The following CELSR3 variants were observed in gnomAD, a reference collection of about 807,000 sequenced individuals.
CELSR3 encodes the protein cadherin EGF LAG seven-pass G-type receptor 3.
In CELSR3, 73 loss-of-function variants were observed where a neutral mutation model predicts 270.0. That is an observed-to-expected ratio of 0.27 (90% CI 0.22 to 0.33). CELSR3 has a LOEUF of 0.33. Among genes scored for constraint, CELSR3 ranks in the 10% least tolerant of loss-of-function variants. The pLI is 1.00. For synonymous variants in CELSR3, 1,780 were observed against 1,905.4 expected, an observed-to-expected ratio of 0.93 and a Z score of 1.71; for missense variants, 3,614 against 4,533.8, an observed-to-expected ratio of 0.80 and a Z score of 5.83.
At position 48,644,190 on chromosome 3, in the gene CELSR3, C is replaced by T. The variant is rs2047056445; in HGVS notation, c.8165+26G>A. On this transcript the variant is annotated intron_variant, in intron 27 of 34. Transcript: ENST00000164024. The surrounding 1 kb of genome is among the most constrained non-coding windows in gnomAD (Gnocchi z 4.8). ...GGAGGGACCTGCCATCCTGAGAAGCCCCCTTCCTCCAGCCAGCCAACTCAC... is the reference window on the plus strand; with the variant it reads ...GGAGGGACCTGCCATCCTGAGAAGCTCCCTTCCTCCAGCCAGCCAACTCAC... 4 of 1,594,208 alleles carry T rather than the reference C, an allele frequency of 2.5e-6. No homozygotes were observed. The highest frequency in any genetic ancestry group is 3.4e-6 in the Non-Finnish European group (4 of 1,164,386).
chr3:48,639,109 G>A lies in CELSR3; in HGVS notation c.9911+565C>T, dbSNP rs764753138. On this transcript the variant is annotated intron_variant, in intron 34 of 34. Transcript: ENST00000164024. The surrounding 1 kb of genome is among the most constrained non-coding windows in gnomAD (Gnocchi z 4.1). Reference sequence around the variant, plus strand: ...CCCCACAGATGCTTCACACATACCCGAGATGAACCAGGTTCCAACTCAGTT... The same window carrying A: ...CCCCACAGATGCTTCACACATACCCAAGATGAACCAGGTTCCAACTCAGTT... Among the ~76,000 whole-genome samples, 1 of 152,050 alleles carries A rather than the reference G, an allele frequency of 6.6e-6. No individual in the cohort carries two copies. Among genetic ancestry groups the A allele is most frequent in the African/African-American group, 2.4e-5 (1 of 41,392 alleles).
Position 48,641,704 on chromosome 3 carries a change from G to GT in CELSR3, c.8824+146dup. 1 of 913,948 alleles carries GT rather than the reference G, an allele frequency of 1.1e-6. No individual in the cohort carries two copies. Among genetic ancestry groups the GT allele is most frequent in the Non-Finnish European group, 1.6e-6 (1 of 623,070 alleles). The allele number at this position is 913,948 out of a possible 1,614,324, so 56.6% of individuals were successfully genotyped here. ...GTGAGCTCCCTCCCCTTAACTGGAGGTGGACAGAGACTAAAAGTTGGGGAA... is the reference window on the plus strand; with the variant it reads ...GTGAGCTCCCTCCCCTTAACTGGAGGTTGGACAGAGACTAAAAGTTGGGGAA... On this transcript the variant is annotated intron_variant, in intron 32 of 34. Coordinates refer to ENST00000164024, the MANE Select transcript of CELSR3 (RefSeq NM_001407.3). The surrounding 1 kb of genome is among the most constrained non-coding windows in gnomAD (Gnocchi z 4.8).
In CELSR3 at chr3:48,652,642, C is replaced by T. The variant is rs1575543292; in HGVS notation, c.5635-89G>A. Reference sequence around the variant, plus strand: ...GAGTCAGTCTTGGCCTTCTTCTAGCCCTTCTAGGCTGCCCCCTCCCTCCTG... The same window carrying T: ...GAGTCAGTCTTGGCCTTCTTCTAGCTCTTCTAGGCTGCCCCCTCCCTCCTG... On this transcript the variant is annotated intron_variant, in intron 10 of 34. Transcript: ENST00000164024. This position sits in a 1 kb window ranked among gnomAD's most constrained non-coding sequence, Gnocchi z 4.3. 9.9e-7 allele frequency: 1 copy of T among 1,011,988 alleles called. No homozygotes were observed. Among genetic ancestry groups the T allele is most frequent in the East Asian group, 2.5e-5 (1 of 39,688 alleles). The allele number at this position is 1,011,988 out of a possible 1,614,324, so 62.7% of individuals were successfully genotyped here. A position where few individuals can be genotyped will look rare whatever the true frequency, so the allele number is the denominator to read the frequency against.
rs199668503 is a variant in CELSR3, at chr3:48,641,442, G to A, written c.8907C>T (p.Gly2969=). Residue 2969 remains glycine, a synonymous_variant, in exon 33 of 35, where the codon GGC becomes GGT. Transcript: ENST00000164024. This position sits in a 1 kb window ranked among gnomAD's most constrained non-coding sequence, Gnocchi z 4.8. ...EAAPCALQTW[G]SERRLGLDTS... is the part of the protein sequence containing the mutation. Reference sequence around the variant, plus strand: ...TGTCCAGCCCCAGGCGCCTTTCAGAGCCCCAAGTCTGCAGAGCACAGGGGG... The same window carrying A: ...TGTCCAGCCCCAGGCGCCTTTCAGAACCCCAAGTCTGCAGAGCACAGGGGG... The A allele has an allele frequency of 6.2e-7, 1 of 1,612,460 alleles. No individual in the cohort carries two copies. Among genetic ancestry groups the A allele is most frequent in the Admixed American group, 1.7e-5 (1 of 60,010 alleles).
Position 48,653,505 on chromosome 3 carries a change from T to C in CELSR3, c.5448+114A>G. ...GGGTCCAGAGCAGGGTCAAGTGTGG[T>C]TGGGACACCTGGCAGAAAAGTATGC... On this transcript the variant is annotated intron_variant, in intron 9 of 34. Transcript: ENST00000164024. The surrounding 1 kb of genome is among the most constrained non-coding windows in gnomAD (Gnocchi z 6.5). 3.1e-6 allele frequency: 4 copies of C among 1,282,218 alleles called. No individual in the cohort carries two copies. The highest frequency in any genetic ancestry group is 3.3e-6 in the Non-Finnish European group (3 of 907,470). The allele number at this position is 1,282,218 out of a possible 1,614,324, so 79.4% of individuals were successfully genotyped here. A position where few individuals can be genotyped will look rare whatever the true frequency, so the allele number is the denominator to read the frequency against.
At position 48,662,083 on chromosome 3, in the gene CELSR3, C is replaced by A. The variant is rs1456151162; in HGVS notation, c.552G>T (p.Pro184=). The A allele has an allele frequency of 3.1e-6, 5 of 1,614,038 alleles. No individual in the cohort carries two copies. Among genetic ancestry groups the A allele is most frequent in the African/African-American group, 2.7e-5 (2 of 75,060 alleles). ...DFLIRHHGPK[P]VSSQRNAGTG... is the part of the protein sequence containing the mutation. ...TCCCAGCGTTCCGCTGGGAGGACAC[C>A]GGCTTGGGACCGTGGTGCCGAATCA... The change falls in exon 1 of 35, where the codon CCG becomes CCT. Residue 184 remains proline (P), a synonymous_variant. Coordinates refer to ENST00000164024, the MANE Select transcript of CELSR3 (RefSeq NM_001407.3). The surrounding 1 kb of genome is among the most constrained non-coding windows in gnomAD (Gnocchi z 7.1).
chr3:48,652,877 A>G lies in CELSR3; in HGVS notation c.5634+125T>C, dbSNP rs2047149496. 1.2e-6 allele frequency: 1 copy of G among 844,440 alleles called. No homozygotes were observed. The highest frequency in any genetic ancestry group is 1.7e-5 in the African/African-American group (1 of 59,324). 52.3% of individuals were successfully genotyped at this position (844,440 alleles called of 1,614,324 possible). On this transcript the variant is annotated intron_variant, in intron 10 of 34. Coordinates refer to ENST00000164024, the MANE Select transcript of CELSR3 (RefSeq NM_001407.3). The surrounding 1 kb of genome is among the most constrained non-coding windows in gnomAD (Gnocchi z 4.3). ...GTGCAAGGATATATGGTGGGGAACTAGGGGTAGAACATCAGACTCAGTGCA... is the reference window on the plus strand; with the variant it reads ...GTGCAAGGATATATGGTGGGGAACTGGGGGTAGAACATCAGACTCAGTGCA...
chr3:48,641,820 G>T lies in CELSR3; in HGVS notation c.8824+31C>A. 7.0e-7 allele frequency: 1 copy of T among 1,434,492 alleles called. No individual in the cohort carries two copies. Among genetic ancestry groups the T allele is most frequent in the African/African-American group, 1.4e-5 (1 of 69,590 alleles). 88.9% of individuals were successfully genotyped at this position (1,434,492 alleles called of 1,614,324 possible). ...GGGATAACAAATGGGGCATCCCTTG[G>T]TCACCCAAGGGGTCAGAGGGCGCCT... On this transcript the variant is annotated intron_variant, in intron 32 of 34. Coordinates refer to ENST00000164024, the MANE Select transcript of CELSR3 (RefSeq NM_001407.3). The surrounding 1 kb of genome is among the most constrained non-coding windows in gnomAD (Gnocchi z 4.8).
In CELSR3 at chr3:48,654,320, C is replaced by T. The variant is rs747045003; in HGVS notation, c.5121G>A (p.Ala1707=). 1.9e-5 allele frequency: 31 copies of T among 1,613,826 alleles called. No homozygotes were observed. Among genetic ancestry groups the T allele is most frequent in the African/African-American group, 4.0e-5 (3 of 74,910 alleles). The change falls in exon 7 of 35, where the codon GCG becomes GCA. Residue 1707 remains alanine, a synonymous_variant. Transcript: ENST00000164024. The surrounding 1 kb of genome is among the most constrained non-coding windows in gnomAD (Gnocchi z 5.4). Reference sequence around the variant, plus strand: ...TGGTGCCATTATTTGCGACAAAAGCCGCCATGTCCACTCGGCGGCCATCAA... The same window carrying T: ...TGGTGCCATTATTTGCGACAAAAGCTGCCATGTCCACTCGGCGGCCATCAA... ...LHIDGRRVDM[A]AFVANNGTMA...
rs1575546902 is a variant in CELSR3 at position 48,661,657 on chromosome 3, C to T, written c.978G>A (p.Pro326=). ...RRAANRHPQF[P]QYNYQTLVPE... is the part of the protein sequence containing the mutation. Reference sequence around the variant, plus strand: ...GCACCAGCGTCTGGTAGTTGTACTGCGGAAACTGCGGGTGGCGGTTTGCGG... The same window carrying T: ...GCACCAGCGTCTGGTAGTTGTACTGTGGAAACTGCGGGTGGCGGTTTGCGG... The change falls in exon 1 of 35, where the codon CCG becomes CCA. Residue 326 remains proline (P), a synonymous_variant. Coordinates refer to ENST00000164024, the MANE Select transcript of CELSR3 (RefSeq NM_001407.3). 6.3e-7 allele frequency: 1 copy of T among 1,587,292 alleles called. No homozygotes were observed. Among genetic ancestry groups the T allele is most frequent in the Non-Finnish European group, 8.6e-7 (1 of 1,167,254 alleles).
Position 48,653,491 on chromosome 3 carries a change from A to G in CELSR3, c.5448+128T>C. The G allele has an allele frequency of 9.2e-7, 1 of 1,081,106 alleles. No individual in the cohort carries two copies. The highest frequency in any genetic ancestry group is 1.4e-5 in the South Asian group (1 of 69,462). 67.0% of individuals were successfully genotyped at this position (1,081,106 alleles called of 1,614,324 possible). ...AGAATCAAGGGCTAGGGTCCAGAGC[A>G]GGGTCAAGTGTGGTTGGGACACCTG... On this transcript the variant is annotated intron_variant, in intron 9 of 34. Coordinates refer to ENST00000164024, the MANE Select transcript of CELSR3 (RefSeq NM_001407.3). The surrounding 1 kb of genome is among the most constrained non-coding windows in gnomAD (Gnocchi z 6.5).
chr3:48,642,366 C>A lies in CELSR3; in HGVS notation c.8657G>T (p.Arg2886Leu). 2 of 1,612,542 alleles carry A rather than the reference C, an allele frequency of 1.2e-6. No individual in the cohort carries two copies. The highest frequency in any genetic ancestry group is 1.1e-5 in the South Asian group (1 of 91,012). ...CCAGGCCCCAACTCCACCAGCATCT[C>A]GATGGAACATGGCCACGTCCAGGTC... ...PTDLDVAMFHRDAGADSDSDS... is the reference protein window; with the variant it reads ...PTDLDVAMFHLDAGADSDSDS... Residue 2886 changes from arginine to leucine, a missense_variant, in exon 31 of 35, where the codon CGA becomes CTA. Arg to Leu is a moderately radical substitution (Grantham distance 102). Transcript: ENST00000164024. The surrounding 1 kb of genome is among the most constrained non-coding windows in gnomAD (Gnocchi z 6.1).
chr3:48,646,733 A>G lies in CELSR3; in HGVS notation c.7295+30T>C. On this transcript the variant is annotated intron_variant, in intron 21 of 34. Coordinates refer to ENST00000164024, the MANE Select transcript of CELSR3 (RefSeq NM_001407.3). This position sits in a 1 kb window ranked among gnomAD's most constrained non-coding sequence, Gnocchi z 4.8. ...GGGGCTGCCAGGCTGAGAAGTTCGT[A>G]GGAAGCTCAGGGGTGAGGGGCCTGA... is the stretch of plus-strand genomic sequence containing the variant. 1 of 1,589,200 alleles carries G rather than the reference A, an allele frequency of 6.3e-7. No individual in the cohort carries two copies. The highest frequency in any genetic ancestry group is 8.5e-7 in the Non-Finnish European group (1 of 1,171,922).
At position 48,651,168 on chromosome 3, in the gene CELSR3, T is replaced by C. The variant is rs568384638; in HGVS notation, c.6187-93A>G. The C allele has an allele frequency of 1.7e-5, 25 of 1,458,966 alleles. No homozygotes were observed. The highest frequency in any genetic ancestry group is 2.3e-5 in the Non-Finnish European group (25 of 1,073,380). 90.4% of individuals were successfully genotyped at this position (1,458,966 alleles called of 1,614,324 possible). A position where few individuals can be genotyped will look rare whatever the true frequency, so the allele number is the denominator to read the frequency against. On this transcript the variant is annotated intron_variant, in intron 14 of 34. Coordinates refer to ENST00000164024, the MANE Select transcript of CELSR3 (RefSeq NM_001407.3). This position sits in a 1 kb window ranked among gnomAD's most constrained non-coding sequence, Gnocchi z 7.4. ...TAAAGGGTCAAGAGAACAGTGCTCATGGGCCAGAGGACACCTGGGTCATGC... is the reference window on the plus strand; with the variant it reads ...TAAAGGGTCAAGAGAACAGTGCTCACGGGCCAGAGGACACCTGGGTCATGC...
rs1260993411 is a variant in CELSR3, at chr3:48,657,124, C to T, written c.3973G>A (p.Val1325Met). 1 of 1,613,984 alleles carries T rather than the reference C, an allele frequency of 6.2e-7. No homozygotes were observed. The change falls in exon 2 of 35, where the codon GTG becomes ATG. Residue 1325 changes from valine (V) to methionine (M), a missense_variant. By Grantham distance (21) the Val-to-Met change is conservative. Coordinates refer to ENST00000164024, the MANE Select transcript of CELSR3 (RefSeq NM_001407.3). The surrounding 1 kb of genome is among the most constrained non-coding windows in gnomAD (Gnocchi z 5.4). ...IQNDTDVGGT[V>M]LNVSFSALAP... Reference sequence around the variant, plus strand: ...AGCGCCGAGAAACTCACATTGAGCACGGTGCCCCCTACGTCTGTGTCGTTC... The same window carrying T: ...AGCGCCGAGAAACTCACATTGAGCATGGTGCCCCCTACGTCTGTGTCGTTC...
At position 48,641,502 on chromosome 3, in the gene CELSR3, C is replaced by G; in HGVS notation, c.8847G>C (p.Leu2949=). 1 of 1,612,236 alleles carries G rather than the reference C, an allele frequency of 6.2e-7. No homozygotes were observed. Among genetic ancestry groups the G allele is most frequent in the Non-Finnish European group, 8.5e-7 (1 of 1,179,710 alleles). The change falls in exon 33 of 35, where the codon CTG becomes CTC. Residue 2949 remains leucine, a synonymous_variant. Coordinates refer to ENST00000164024, the MANE Select transcript of CELSR3 (RefSeq NM_001407.3). The surrounding 1 kb of genome is among the most constrained non-coding windows in gnomAD (Gnocchi z 4.8). ...ACTCCCCCAGGGCTGGCCAGTAGGA[C>G]AGGAGGTCATTGCCATCCACATCTG... ...HPKDVDGNDL[L]SYWPALGECE... is the part of the protein sequence containing the mutation.
chr3:48,659,960 C>A lies in CELSR3; in HGVS notation c.2675G>T (p.Arg892Leu), dbSNP rs771709882. The change falls in exon 1 of 35, where the codon CGT becomes CTT. Residue 892 changes from arginine to leucine, a missense_variant. Coordinates refer to ENST00000164024, the MANE Select transcript of CELSR3 (RefSeq NM_001407.3). This position sits in a 1 kb window ranked among gnomAD's most constrained non-coding sequence, Gnocchi z 8.1. ...ASDDDVGENARITYLLEDNLP... is the reference protein window; with the variant it reads ...ASDDDVGENALITYLLEDNLP... ...GTTGTCCTCCAGGAGATAGGTGATA[C>A]GAGCATTCTCACCCACGTCATCATC... 1.9e-6 allele frequency: 3 copies of A among 1,614,060 alleles called. No homozygotes were observed. The highest frequency in any genetic ancestry group is 1.3e-5 in the African/African-American group (1 of 75,000).
chr3:48,649,234 T>G lies in CELSR3; in HGVS notation c.6473-19A>C, dbSNP rs766346018. Reference sequence around the variant, plus strand: ...GCAGCACCTGGAGGCAGGCAACCCCTGGTCAGGCCTGGGGCCTGGATACCT... The same window carrying G: ...GCAGCACCTGGAGGCAGGCAACCCCGGGTCAGGCCTGGGGCCTGGATACCT... On this transcript the variant is annotated intron_variant, in intron 16 of 34. Transcript: ENST00000164024. The G allele has an allele frequency of 6.3e-7, 1 of 1,590,588 alleles. No individual in the cohort carries two copies. The highest frequency in any genetic ancestry group is 8.6e-7 in the Non-Finnish European group (1 of 1,165,932).
rs769479694 is a variant in CELSR3, at chr3:48,645,347, C to G, written c.7797+96G>C. Reference sequence around the variant, plus strand: ...TCCTGCTGAAAACCCTGGCCCCAACCTGAGCATCCCTGACCTCTGACCCTG... The same window carrying G: ...TCCTGCTGAAAACCCTGGCCCCAACGTGAGCATCCCTGACCTCTGACCCTG... On this transcript the variant is annotated intron_variant, in intron 24 of 34. Coordinates refer to ENST00000164024, the MANE Select transcript of CELSR3 (RefSeq NM_001407.3). This position sits in a 1 kb window ranked among gnomAD's most constrained non-coding sequence, Gnocchi z 5.4. 4 of 1,568,888 alleles carry G rather than the reference C, an allele frequency of 2.5e-6. No homozygotes were observed. The highest frequency in any genetic ancestry group is 1.1e-5 in the South Asian group (1 of 89,376).
Sources: allele counts gnomAD v4.1 joint callset (sites outside exome capture counted in the v4.1 genomes callset), GRCh38; gene constraint gnomAD v4.1.1; non-coding constraint Gnocchi (gnomAD v3.1); transcripts MANE v1.5; gene names NCBI Gene and HGNC (gene_info 2026-07-23, HGNC 2026-07-21).